Variants in ZNF420 observed in about 807,000 individuals in gnomAD.
ZNF420 encodes the protein zinc finger protein 420, also known as ATM and p53-associated KZNF protein.
A neutral mutation model predicts 44.7 loss-of-function variants in ZNF420; 31 were observed. That is an observed-to-expected ratio of 0.69 (90% CI 0.52 to 0.94). The LOEUF is 0.94. Among genes scored for constraint, ZNF420 ranks in the 40% least tolerant of loss-of-function variants. ZNF420 has a pLI of 0.00. For synonymous variants in ZNF420, 245 were observed against 267.4 expected, an observed-to-expected ratio of 0.92 and a Z score of 0.82; for missense variants, 681 against 827.9, an observed-to-expected ratio of 0.82 and a Z score of 2.18.
At chr19:37,076,929 A>ATC (rs1400325515), upstream of ZNF420, among the ~76,000 whole-genome samples, 1 of 152,184 alleles carries the variant, frequency 6.6e-6, no homozygotes, top group Non-Finnish European at 1.5e-5. Context: ...GCTATGCCTG[A>ATC]TCACACACAC....
At chr19:37,032,148 T>A (rs144659705) in intron 1 of ZNF420, among the ~76,000 whole-genome samples, 1 of 151,310 alleles carries the variant, frequency 6.6e-6, no homozygotes, top group African/African-American at 2.4e-5. Context: ...ATTGAGACCA[T>A]CCTGGCAAAC....
intron 4 of ZNF420, among the ~76,000 whole-genome samples, chr19:37,121,762 C>G (rs1362077473): frequency 6.6e-6 from 1 of 152,034 alleles, no homozygotes; most frequent in Non-Finnish European, 1.5e-5. Flanking sequence ...CTACAATGAA[C>G]TCAAATTTAC....
intron 1 of ZNF420, among the ~76,000 whole-genome samples, chr19:37,042,606 A>G (rs1967475214): frequency 6.6e-6 from 1 of 152,240 alleles, no homozygotes; most frequent in South Asian, 2.1e-4. Flanking sequence ...CTCTTTTCCA[A>G]TTCATCAGAT....
At chr19:37,012,369 T>G (rs986506104) in intron 1 of ZNF420, among the ~76,000 whole-genome samples, 11 of 152,354 alleles carry the variant, frequency 7.2e-5, no homozygotes, top group African/African-American at 2.2e-4. Flanking sequence ...TCACAGTGAT[T>G]CCCATGGTTG....
intron 1 of ZNF420, among the ~76,000 whole-genome samples, chr19:37,045,250 T>C (rs1304801563): frequency 2.0e-5 from 3 of 152,212 alleles, no homozygotes; most frequent in Non-Finnish European, 4.4e-5. Context: ...GCCTTTGATG[T>C]TTGATGATGT....
intron 1 of ZNF420, among the ~76,000 whole-genome samples, chr19:37,034,351 T>G (rs1317782910): frequency 3.3e-5 from 5 of 152,206 alleles, no homozygotes; most frequent in Non-Finnish European, 7.3e-5. Context: ...TTTGCCTATT[T>G]TTTAGTTAGG....
At chr19:37,050,515 T>G (rs1305106639) in intron 1 of ZNF420, among the ~76,000 whole-genome samples, 1 of 152,240 alleles carries the variant, frequency 6.6e-6, no homozygotes, top group Non-Finnish European at 1.5e-5. Context: ...TGGCTCTGTT[T>G]GTCTGTTATT....
At chr19:37,123,743 CAG>C (rs1204209843) in intron 4 of ZNF420, among the ~76,000 whole-genome samples, 2 of 151,520 alleles carry the variant, frequency 1.3e-5, no homozygotes, top group Non-Finnish European at 2.9e-5. Flanking sequence ...GCTGGGACTA[CAG>C]GCGTGTGCCA....
At chr19:37,069,473 AT>A (rs1968021114) in intron 1 of ZNF420, among the ~76,000 whole-genome samples, 1 of 152,138 alleles carries the variant, frequency 6.6e-6, no homozygotes, top group African/African-American at 2.4e-5. Flanking sequence ...CAAGTTGAAA[AT>A]ATCATTAAGT....
chr19:37,057,182 T>G (rs1967772213), intron 1 of ZNF420, among the ~76,000 whole-genome samples: 1 of 152,184 alleles, frequency 6.6e-6, no homozygotes, highest in Non-Finnish European at 1.5e-5. Flanking sequence ...GCCAGGAGTC[T>G]CCAAGGACTG....
chr19:37,056,772 T>A (rs893281936), intron 1 of ZNF420, among the ~76,000 whole-genome samples: 3 of 152,134 alleles, frequency 2.0e-5, no homozygotes, highest in Non-Finnish European at 2.9e-5. Flanking sequence ...GCCCTGAAGC[T>A]CCTCCTCCAC....
At chr19:37,117,515 T>C (rs897497109) in intron 4 of ZNF420, among the ~76,000 whole-genome samples, 2 of 151,792 alleles carry the variant, frequency 1.3e-5, no homozygotes, top group Non-Finnish European at 2.9e-5. Flanking sequence ...ACCACAAAGA[T>C]GGGGAAAAAA....
Position 37,089,147 on chromosome 19 carries a change from T to C in ZNF420, c.9+20T>C. 2.5e-6 allele frequency: 4 copies of C among 1,608,922 alleles called. No homozygotes were observed. The highest frequency in any genetic ancestry group is 3.4e-6 in the Non-Finnish European group (4 of 1,175,274). On this transcript the variant is annotated intron_variant, in intron 3 of 4. Coordinates refer to ENST00000337995, the MANE Select transcript of ZNF420 (RefSeq NM_144689.5). The stretch of plus-strand genomic sequence containing the variant: ...GCTCGGGTAAATTGGAGTTTCCTTG[T>C]GCTCTTTTCACTTACTTTTTTACAG...
At chr19:37,013,437 C>T (rs886783899) in intron 1 of ZNF420, among the ~76,000 whole-genome samples, 13 of 152,180 alleles carry the variant, frequency 8.5e-5, no homozygotes, top group Non-Finnish European at 1.5e-4. Flanking sequence ...GCATCCGTGT[C>T]AAAGCTTTTG....
intron 1 of ZNF420, among the ~76,000 whole-genome samples, chr19:37,024,229 C>T (rs2074668929): frequency 6.6e-6 from 1 of 152,018 alleles, no homozygotes; most frequent in African/African-American, 2.4e-5. Context: ...TCTAGTTGTC[C>T]CACCCTTCCA....
chr19:37,106,801 T>C (rs1276232218), intron 4 of ZNF420: 2 of 152,228 alleles, frequency 1.3e-5, no homozygotes, highest in East Asian at 3.9e-4. Flanking sequence ...CAGTATTTAT[T>C]GATCATTATC....
At chr19:37,113,925 A>G (rs1970516475) in intron 4 of ZNF420, among the ~76,000 whole-genome samples, 1 of 152,130 alleles carries the variant, frequency 6.6e-6, no homozygotes, top group Admixed American at 6.5e-5. Context: ...AAATCTCCCA[A>G]TCATAAAGAA....
intron 1 of ZNF420, among the ~76,000 whole-genome samples, chr19:37,021,886 G>A (rs931974034): frequency 1.1e-4 from 15 of 138,870 alleles, no homozygotes; most frequent in African/African-American, 2.2e-4. Flanking sequence ...GTGGTGAGCC[G>A]AGATCGTGCC....
At chr19:37,027,089 G>T (rs1801147266) in intron 1 of ZNF420, among the ~76,000 whole-genome samples, 1 of 152,088 alleles carries the variant, frequency 6.6e-6, no homozygotes, top group Admixed American at 6.6e-5. Context: ...TCAACATTTG[G>T]AATTTACCAA....
Sources: gnomAD v4.1 joint callset for allele counts (sites outside exome capture counted in the v4.1 genomes callset) on GRCh38, gnomAD v4.1.1 for gene constraint, MANE v1.5 for transcripts, NCBI Gene and HGNC (gene_info 2026-07-23, HGNC 2026-07-21) for gene names.